Variants in ALDH18A1 observed in about 807,000 individuals in gnomAD.
ALDH18A1 encodes aldehyde dehydrogenase 18 family member A1.
ALDH18A1 carries 44 observed loss-of-function variants against 88.8 expected under a neutral mutation model. The ratio of observed to expected loss-of-function variants is 0.50; its 90% confidence interval spans 0.39 to 0.64. The LOEUF is 0.64. Among genes scored for constraint, ALDH18A1 ranks in the 30% least tolerant of loss-of-function variants. The probability of loss-of-function intolerance (pLI) is 0.00; values close to 1 mark genes in which losing one functional copy is unlikely to be tolerated. For missense variants in ALDH18A1, 782 were observed against 1,009.5 expected (o/e 0.77, Z 3.05); for synonymous variants, 331 against 372.1 (o/e 0.89, Z 1.27).
At chr10:95,652,875 TC>T (rs1283058483) in intron 2 of ALDH18A1, among the ~76,000 whole-genome samples, 7 of 151,684 alleles carry the variant, frequency 4.6e-5, no homozygotes, top group Non-Finnish European at 1.0e-4. Context: ...ATCTTTTTTT[TC>T]TCTCTCTCTC....
chr10:95,646,854 G>A (rs921437919), intron 2 of ALDH18A1, among the ~76,000 whole-genome samples: 1 of 152,008 alleles, frequency 6.6e-6, no homozygotes, highest in Admixed American at 6.6e-5. Flanking sequence ...TCTTCTTAAG[G>A]GCCACGGATT....
chr10:95,654,333 T>A (rs4917697), intron 1 of ALDH18A1, among the ~76,000 whole-genome samples: 42,047 of 151,816 alleles, frequency 0.28, 6,760 homozygotes, highest in Admixed American at 0.4. Flanking sequence ...CCTGGCTAAT[T>A]TTTTGTATTT....
In ALDH18A1 at chr10:95,606,186, C is replaced by A; in HGVS notation, c.*576G>T. 2.2e-6 allele frequency: 2 copies of A among 919,648 alleles called. No individual in the cohort carries two copies. The highest frequency in any genetic ancestry group is 2.6e-6 in the Non-Finnish European group (2 of 768,180). The allele number at this position is 919,648 out of a possible 1,614,324, so 57.0% of individuals were successfully genotyped here. A position where few individuals can be genotyped will look rare whatever the true frequency, so the allele number is the denominator to read the frequency against. ...AGCATCTCCTGGATGCAGGAAGCTGCAAGCATCTGGAATGCTTATTAATTT... is the reference window on the plus strand; with the variant it reads ...AGCATCTCCTGGATGCAGGAAGCTGAAAGCATCTGGAATGCTTATTAATTT... On this transcript the variant is annotated 3_prime_UTR_variant, in exon 18 of 18. Coordinates refer to ENST00000371224, the MANE Select transcript of ALDH18A1 (RefSeq NM_002860.4).
chr10:95,616,718 T>C, intron 12 of ALDH18A1, 104 bp from the exon 13 acceptor site: 1 of 1,443,852 alleles, frequency 6.9e-7, no homozygotes, highest in Non-Finnish European at 9.5e-7. Flanking sequence ...ACTGTGTTCA[T>C]CATTTTAGAA....
At chr10:95,630,887 G>A (rs774021030) in intron 7 of ALDH18A1, among the ~76,000 whole-genome samples, 1 of 152,148 alleles carries the variant, frequency 6.6e-6, no homozygotes, top group African/African-American at 2.4e-5. Flanking sequence ...TGTAGGTGTC[G>A]TATCTCTGAC....
At chr10:95,647,014 C>A (rs545220064) in intron 2 of ALDH18A1, among the ~76,000 whole-genome samples, 1 of 152,304 alleles carries the variant, frequency 6.6e-6, no homozygotes, top group Admixed American at 6.5e-5. Context: ...CCATTGCCTT[C>A]TCTGTTTATC....
chr10:95,647,985 T>C (rs952833821), intron 2 of ALDH18A1, among the ~76,000 whole-genome samples: 24 of 152,230 alleles, frequency 1.6e-4, no homozygotes, highest in African/African-American at 4.8e-4. Context: ...TTGTAATAAA[T>C]TGGTAAATCT....
chr10:95,616,772 G>A (rs2097844944), intron 12 of ALDH18A1, 158 bp from the exon 13 acceptor site: 1 of 1,004,012 alleles, frequency 1.0e-6, no homozygotes, highest in African/African-American at 1.6e-5. Flanking sequence ...TGAATTAAGT[G>A]CCTGTTTTAT....
chr10:95,624,676 T>C (rs1458371569), intron 11 of ALDH18A1, among the ~76,000 whole-genome samples: 1 of 152,128 alleles, frequency 6.6e-6, no homozygotes, highest in Admixed American at 6.5e-5. Flanking sequence ...CATGTCTAGG[T>C]GTTCACAATG....
intron 5 of ALDH18A1, among the ~76,000 whole-genome samples, chr10:95,636,246 G>C (rs191116776): frequency 6.6e-5 from 10 of 152,094 alleles, no homozygotes; most frequent in African/African-American, 2.4e-4. Flanking sequence ...TGCATGTAGT[G>C]TACATGTAAA....
chr10:95,651,711 C>T (rs1430161957), intron 2 of ALDH18A1, among the ~76,000 whole-genome samples: 1 of 152,136 alleles, frequency 6.6e-6, no homozygotes, highest in Non-Finnish European at 1.5e-5. Context: ...AAGGACAGCA[C>T]CAAGGCATGA....
At chr10:95,639,724 T>A (rs1241042339) in intron 3 of ALDH18A1, among the ~76,000 whole-genome samples, 1 of 152,160 alleles carries the variant, frequency 6.6e-6, no homozygotes, top group African/African-American at 2.4e-5. Flanking sequence ...AAACCCTGCA[T>A]TACAAATTAA....
At chr10:95,610,136 C>T (rs2097830973) in intron 17 of ALDH18A1, 61 bp downstream of exon 17, 3 of 1,519,624 alleles carry the variant, frequency 2.0e-6, no homozygotes, top group Non-Finnish European at 2.7e-6. Flanking sequence ...CCTCAACATA[C>T]CCCTAGACCA....
chr10:95,613,243 T>C (rs1472621594), intron 15 of ALDH18A1, among the ~76,000 whole-genome samples: 2 of 152,230 alleles, frequency 1.3e-5, no homozygotes, highest in Non-Finnish European at 1.5e-5. Flanking sequence ...CTTAACAATA[T>C]AGTAAAAACA....
intron 3 of ALDH18A1, among the ~76,000 whole-genome samples, chr10:95,637,748 T>C (rs2097883531): frequency 6.6e-6 from 1 of 152,056 alleles, no homozygotes; most frequent in South Asian, 2.1e-4. Context: ...GCAGGCACAA[T>C]GCCTGAGCCC....
chr10:95,614,632 A>C (rs899239006), intron 13 of ALDH18A1, among the ~76,000 whole-genome samples: 2 of 152,176 alleles, frequency 1.3e-5, no homozygotes, highest in Non-Finnish European at 2.9e-5. Flanking sequence ...CTTGCTAGGG[A>C]GTCATGGTTC....
intron 2 of ALDH18A1, among the ~76,000 whole-genome samples, chr10:95,650,703 T>A (rs896301488): frequency 1.3e-5 from 2 of 152,134 alleles, no homozygotes; most frequent in African/African-American, 4.8e-5. Flanking sequence ...TGCAGAACCA[T>A]GACAAATAAA....
chr10:95,654,321 T>C (rs1234242834), intron 1 of ALDH18A1, among the ~76,000 whole-genome samples: 2 of 152,006 alleles, frequency 1.3e-5, no homozygotes, highest in Non-Finnish European at 2.9e-5. Flanking sequence ...CGCGCTACCA[T>C]GCCTGGCTAA....
intron 1 of ALDH18A1, among the ~76,000 whole-genome samples, chr10:95,655,681 AGTGTGTGTGTGTGT>A (rs3838754): frequency 6.7e-6 from 1 of 150,168 alleles, no homozygotes; most frequent in Non-Finnish European, 1.5e-5. Context: ...GAGCAAAGAG[AGTGTGTGTGTGTGT>A]GTGTGTGTGT....
Sources: allele counts gnomAD v4.1 joint callset (sites outside exome capture counted in the v4.1 genomes callset), GRCh38; gene constraint gnomAD v4.1.1; transcripts MANE v1.5; gene names NCBI Gene and HGNC (gene_info 2026-07-23, HGNC 2026-07-21).